The following PYROXD2 variants were observed in gnomAD, a reference collection of about 807,000 sequenced individuals.
The protein encoded by PYROXD2 is pyridine nucleotide-disulfide oxidoreductase domain-containing protein 2.
PYROXD2 carries 69 observed loss-of-function variants against 71.1 expected under a neutral mutation model. The ratio of observed to expected loss-of-function variants is 0.97; its 90% CI spans 0.80 to 1.19. PYROXD2 has a LOEUF of 1.19. Ranked by LOEUF, PYROXD2 falls within the 50% of genes most tolerant of loss-of-function variation. The probability of loss-of-function intolerance (pLI) is 0.00; values close to 1 mark genes in which losing one functional copy is unlikely to be tolerated. For synonymous variants in PYROXD2, 287 were observed against 302.7 expected (o/e 0.95, Z 0.54); for missense variants, 745 against 748.9 (o/e 0.99, Z 0.06).
rs1843658499 is a variant in PYROXD2 at position 98,407,824 on chromosome 10, C to CGTCACCCGGGGTCAGCAGGGATGGAGACT, written c.241+51_241+79dup. ...ACCCGGGGTCAGCAGGGATGGAGAC[C>CGTCACCCGGGGTCAGCAGGGATGGAGACT]GTCACCCGGGGTCAGCAGGGATGGA... is the stretch of plus-strand genomic sequence containing the variant. On this transcript the variant is annotated intron_variant, in intron 3 of 15. Coordinates refer to ENST00000370575, the MANE Select transcript of PYROXD2 (RefSeq NM_032709.3). The CGTCACCCGGGGTCAGCAGGGATGGAGACT allele has an allele frequency of 7.7e-6, 11 of 1,421,386 alleles. 5 individuals carry two copies. The highest frequency in any genetic ancestry group is 1.0e-5 in the Non-Finnish European group (11 of 1,051,056). 88.0% of individuals were successfully genotyped at this position (1,421,386 alleles called of 1,614,324 possible).
chr10:98,389,282 C>A (rs1842868039), intron 12 of PYROXD2, among the ~76,000 whole-genome samples: 1 of 151,984 alleles, frequency 6.6e-6, no homozygotes, highest in South Asian at 2.1e-4. Flanking sequence ...AACAGAAAGT[C>A]CTGTTGGCTT....
chr10:98,385,110 GCCTTT>G, intron 14 of PYROXD2, 43 bp from the exon 15 acceptor site: 1 of 1,609,106 alleles, frequency 6.2e-7, no homozygotes, highest in Non-Finnish European at 8.5e-7. Flanking sequence ...GAGAGTTACA[GCCTTT>G]CCTGCTCTGG....
Position 98,407,949 on chromosome 10 carries a change from G to A in PYROXD2, c.196C>T (p.Arg66Cys), listed in dbSNP as rs974518920. The change falls in exon 3 of 16, where the codon CGC becomes TGC. Residue 66 changes from arginine to cysteine, a missense_variant. By Grantham distance (180) the Arg-to-Cys change is radical (BLOSUM62 -3). Transcript: ENST00000370575. ...ACAGCTGCACCCCCGATCACATGGC[G>A]CCTCTCGAAGACGGCGGTGTTCACC... ...LGVNTAVFER[R>C]HVIGGAAVTE... The A allele has an allele frequency of 5.6e-6, 9 of 1,611,066 alleles. No individual in the cohort carries two copies. Among genetic ancestry groups the A allele is most frequent in the East Asian group, 2.2e-5 (1 of 44,834 alleles).
Position 98,387,312 on chromosome 10 carries a change from G to A in PYROXD2, c.1448-5C>T. On this transcript the variant is annotated splice_region_variant and splice_polypyrimidine_tract_variant and intron_variant, in intron 13 of 15. Coordinates refer to ENST00000370575, the MANE Select transcript of PYROXD2 (RefSeq NM_032709.3). Reference sequence around the variant, plus strand: ...AGACCTCGATGCAATCAAACACTGGGGTGCCAAAAACAGAGAAATGAGATG... The same window carrying A: ...AGACCTCGATGCAATCAAACACTGGAGTGCCAAAAACAGAGAAATGAGATG... The A allele has an allele frequency of 6.2e-7, 1 of 1,608,708 alleles. No homozygotes were observed. Among genetic ancestry groups the A allele is most frequent in the Non-Finnish European group, 8.5e-7 (1 of 1,175,512 alleles).
intron 1 of PYROXD2, among the ~76,000 whole-genome samples, chr10:98,413,629 G>A (rs1487743106): frequency 2.6e-5 from 4 of 152,070 alleles, no homozygotes; most frequent in Admixed American, 6.5e-5. Context: ...CAAGAGAATC[G>A]CTTGAACCCA....
chr10:98,410,026 C>T (rs1302632993), intron 2 of PYROXD2, among the ~76,000 whole-genome samples: 1 of 151,868 alleles, frequency 6.6e-6, no homozygotes, highest in African/African-American at 2.4e-5. Context: ...TGCAGCGAGC[C>T]GAGATCATGC....
At chr10:98,392,297 C>A in intron 10 of PYROXD2, 135 bp downstream of exon 10, 1 of 1,429,360 alleles carries the variant, frequency 7.0e-7, no homozygotes, top group Non-Finnish European at 9.4e-7. Context: ...TGCCCTTACC[C>A]CCCTGTTTCC....
intron 8 of PYROXD2, among the ~76,000 whole-genome samples, chr10:98,394,581 G>C: frequency 8.1e-6 from 1 of 123,096 alleles, no homozygotes; most frequent in African/African-American, 3.6e-5. Flanking sequence ...CACACACACA[G>C]CCTTCCATTC....
chr10:98,409,100 T>TA (rs1843704581), intron 2 of PYROXD2, among the ~76,000 whole-genome samples: 1 of 152,232 alleles, frequency 6.6e-6, no homozygotes, highest in Non-Finnish European at 1.5e-5. Flanking sequence ...CAAGGTGAGC[T>TA]GCGTCATTCT....
At chr10:98,398,221 A>G (rs1288177686) in intron 5 of PYROXD2, among the ~76,000 whole-genome samples, 1 of 151,696 alleles carries the variant, frequency 6.6e-6, no homozygotes, top group Non-Finnish European at 1.5e-5. Context: ...TAGAAGTTAG[A>G]CCTCTTTGCC....
Position 98,407,677 on chromosome 10 carries a change from A to G in PYROXD2, c.242-22T>C, listed in dbSNP as rs1000638309. 3.4e-5 allele frequency: 55 copies of G among 1,598,440 alleles called. 3 individuals are homozygous for G. Among genetic ancestry groups the G allele is most frequent in the Non-Finnish European group, 4.5e-5 (53 of 1,174,822 alleles). ...AACCCTGAAACCGAATCCGATGAAG[A>G]CTGTCACCAGGGGTCACCAGGGATG... On this transcript the variant is annotated intron_variant, in intron 3 of 15. Coordinates refer to ENST00000370575, the MANE Select transcript of PYROXD2 (RefSeq NM_032709.3).
In PYROXD2 at chr10:98,403,744, C is replaced by T. The variant is rs116163752; in HGVS notation, c.316-3487G>A. 5.1e-3 allele frequency among the ~76,000 whole-genome samples: 774 copies of T among 152,324 alleles called. 6 individuals are homozygous for T. The highest frequency in any genetic ancestry group is 0.018 in the African/African-American group (731 of 41,572). ...CACCATCTAGGCTGGAATCTCCACT[C>T]TCTTTCTCTAATGCTGCCTTCTTTT... On this transcript the variant is annotated intron_variant, in intron 4 of 15. Transcript: ENST00000370575.
chr10:98,393,088 G>A lies in PYROXD2; in HGVS notation c.786-5C>T, dbSNP rs768565433. 1 of 1,534,862 alleles carries A rather than the reference G, an allele frequency of 6.5e-7. No homozygotes were observed. Among genetic ancestry groups the A allele is most frequent in the South Asian group, 1.3e-5 (1 of 78,680 alleles). On this transcript the variant is annotated splice_polypyrimidine_tract_variant and splice_region_variant and intron_variant, in intron 8 of 15. Transcript: ENST00000370575. Reference sequence around the variant, plus strand: ...ACATGGTGCAGCAGCACATACCTGTGGACAGACCATCCGACTCAGATCCTG... The same window carrying A: ...ACATGGTGCAGCAGCACATACCTGTAGACAGACCATCCGACTCAGATCCTG...
intron 4 of PYROXD2, among the ~76,000 whole-genome samples, chr10:98,404,630 G>T (rs1390797212): frequency 6.6e-6 from 1 of 152,124 alleles, no homozygotes; most frequent in African/African-American, 2.4e-5. Context: ...TTCTCAGCAT[G>T]CACAGTCATC....
chr10:98,403,598 C>T (rs1172627046), intron 4 of PYROXD2, among the ~76,000 whole-genome samples: 1 of 152,118 alleles, frequency 6.6e-6, no homozygotes, highest in African/African-American at 2.4e-5. Flanking sequence ...CTGGGTGGGT[C>T]CTTCTCTTCT....
chr10:98,405,242 G>T (rs1843557467), intron 4 of PYROXD2, among the ~76,000 whole-genome samples: 1 of 152,220 alleles, frequency 6.6e-6, no homozygotes, highest in Admixed American at 6.5e-5. Context: ...CGCATTGACA[G>T]CTGTGGAAAC....
chr10:98,397,051 C>G (rs1843210625), intron 6 of PYROXD2, among the ~76,000 whole-genome samples: 1 of 152,222 alleles, frequency 6.6e-6, no homozygotes, highest in Admixed American at 6.5e-5. Context: ...CTGGTATTGA[C>G]TCTTTCTCTG....
At position 98,392,964 on chromosome 10, in the gene PYROXD2, C is replaced by A; in HGVS notation, c.905G>T (p.Gly302Val). The A allele has an allele frequency of 6.2e-7, 1 of 1,613,958 alleles. No individual in the cohort carries two copies. The highest frequency in any genetic ancestry group is 8.5e-7 in the Non-Finnish European group (1 of 1,179,908). Residue 302 changes from glycine to valine, a missense_variant, in exon 9 of 16, where the codon GGA (glycine) becomes GTA (valine). Coordinates refer to ENST00000370575, the MANE Select transcript of PYROXD2 (RefSeq NM_032709.3). ...DAIASSATTH[G>V]ASIFTEKTVA... ...CACCTTTTCAGTGAAGATGCTTGCT[C>A]CATGTGTGGTGGCTGAGCTTGCGAT...
Position 98,387,618 on chromosome 10 carries a change from C to T in PYROXD2, c.1448-311G>A, listed in dbSNP as rs1842796538. ...GCTTTTTTCACCTCTTCACTTTTCTCAAGCTGTTTTTTTTTTTTTTTTTTT... is the reference window on the plus strand; with the variant it reads ...GCTTTTTTCACCTCTTCACTTTTCTTAAGCTGTTTTTTTTTTTTTTTTTTT... On this transcript the variant is annotated intron_variant, in intron 13 of 15. Transcript: ENST00000370575. 2.1e-5 allele frequency among the ~76,000 whole-genome samples: 3 copies of T among 143,600 alleles called. No individual in the cohort carries two copies. In the South Asian group the frequency reaches 6.8e-4, roughly 32 times the overall value. The allele number at this position is 143,600 out of a possible 152,430, so 94.2% of individuals were successfully genotyped here.
Sources: allele counts gnomAD v4.1 joint callset (sites outside exome capture counted in the v4.1 genomes callset), GRCh38; gene constraint gnomAD v4.1.1; transcripts MANE v1.5; gene names NCBI Gene and HGNC (gene_info 2026-07-23, HGNC 2026-07-21).